The following PTTG1IP variants were observed in gnomAD, a reference collection of about 807,000 sequenced individuals.
PTTG1IP encodes PTTG1 interacting protein.
In PTTG1IP, 16 loss-of-function variants were observed where a neutral mutation model predicts 24.4. The ratio of observed to expected loss-of-function variants is 0.66; its 90% CI spans 0.44 to 1.00. The LOEUF is 1.00. PTTG1IP is among the 50% of genes least tolerant of loss of function. The pLI, the probability that PTTG1IP is intolerant of heterozygous loss-of-function variation, is 0.00. For synonymous variants in PTTG1IP, 89 were observed against 96.8 expected, an observed-to-expected ratio of 0.92 and a Z score of 0.47; for missense variants, 241 against 245.8, an observed-to-expected ratio of 0.98 and a Z score of 0.13.
chr21:44,856,363 C>A lies in PTTG1IP; in HGVS notation c.279G>T (p.Val93=). ...LSSARWGVCW[V]NFEALIITMS... is the part of the protein sequence containing the mutation. ...TGGTGATGATCAGCGCCTCAAAGTT[C>A]ACTGGAGATTCAAGCACCTGGAGTT... The change falls in exon 4 of 6, where the codon GTG becomes GTT. Residue 93 remains valine (V), a splice_region_variant and synonymous_variant. Coordinates refer to ENST00000330938, the MANE Select transcript of PTTG1IP (RefSeq NM_004339.4). The A allele has an allele frequency of 6.2e-7, 1 of 1,609,342 alleles. No individual in the cohort carries two copies. The highest frequency in any genetic ancestry group is 1.1e-5 in the South Asian group (1 of 90,560).
At chr21:44,868,728 C>A (rs1312925535) in intron 1 of PTTG1IP, among the ~76,000 whole-genome samples, 1 of 152,186 alleles carries the variant, frequency 6.6e-6, no homozygotes, top group Non-Finnish European at 1.5e-5. Context: ...TGAGAAGCCT[C>A]CATTTTACAA....
chr21:44,867,392 C>T (rs546963187), intron 1 of PTTG1IP, among the ~76,000 whole-genome samples: 53 of 150,776 alleles, frequency 3.5e-4, no homozygotes, highest in African/African-American at 1.2e-3. Context: ...AGGTGAGACT[C>T]ACGTATGGAG....
rs1323043846 is a variant in PTTG1IP, at chr21:44,851,473, T to G, written c.*108A>C. ...CGCCTGTCCTGGAAGGCTGGCAGGTTCACTGGCCAAGGTCAGGAGACCGCA... is the reference window on the plus strand; with the variant it reads ...CGCCTGTCCTGGAAGGCTGGCAGGTGCACTGGCCAAGGTCAGGAGACCGCA... On this transcript the variant is annotated 3_prime_UTR_variant, in exon 6 of 6. Transcript: ENST00000330938. 1.2e-6 allele frequency: 2 copies of G among 1,612,018 alleles called. No homozygotes were observed. Among genetic ancestry groups the G allele is most frequent in the Non-Finnish European group, 1.7e-6 (2 of 1,179,920 alleles).
intron 3 of PTTG1IP, among the ~76,000 whole-genome samples, chr21:44,857,032 C>G (rs1422293543): frequency 6.6e-6 from 1 of 152,220 alleles, no homozygotes; most frequent in African/African-American, 2.4e-5. Flanking sequence ...CACACGTGCA[C>G]ATTTAAAACA....
At chr21:44,869,936 T>A (rs371501651) in intron 1 of PTTG1IP, among the ~76,000 whole-genome samples, 1 of 152,186 alleles carries the variant, frequency 6.6e-6, no homozygotes, top group African/African-American at 2.4e-5. Context: ...CTAGGTCTTG[T>A]GTGAACTAAA....
chr21:44,860,336 T>C (rs1357701445), intron 3 of PTTG1IP, among the ~76,000 whole-genome samples: 2 of 152,078 alleles, frequency 1.3e-5, no homozygotes, highest in Non-Finnish European at 1.5e-5. Context: ...GCCATTGCAC[T>C]CCAGCCCGTC....
At chr21:44,866,915 G>A (rs1216619657) in intron 1 of PTTG1IP, among the ~76,000 whole-genome samples, 1 of 152,194 alleles carries the variant, frequency 6.6e-6, no homozygotes, top group Non-Finnish European at 1.5e-5. Context: ...TTGCAAAGAA[G>A]GTCTGGCAGC....
In PTTG1IP at chr21:44,871,392, TG is replaced by T. The variant is rs1052907942; in HGVS notation, c.115+2109del. On this transcript the variant is annotated intron_variant, in intron 1 of 5. Transcript: ENST00000330938. ...TTTTTGGGGTCGTCTTTCCTCCAGA[TG>T]AAGCTCTTGGATTGAGTCTGACCCC... is the stretch of plus-strand genomic sequence containing the variant. Among the ~76,000 whole-genome samples, 9 of 152,268 alleles carry T rather than the reference TG, an allele frequency of 5.9e-5. No individual in the cohort carries two copies. In the South Asian group the frequency reaches 8.3e-4, roughly 14 times the overall value.
intron 3 of PTTG1IP, among the ~76,000 whole-genome samples, chr21:44,857,568 T>C (rs1349359024): frequency 1.3e-5 from 2 of 152,204 alleles, no homozygotes; most frequent in Non-Finnish European, 2.9e-5. Flanking sequence ...TACCGCATGA[T>C]TCACTGTTTT....
At chr21:44,871,617 C>T (rs578157682) in intron 1 of PTTG1IP, among the ~76,000 whole-genome samples, 11 of 152,266 alleles carry the variant, frequency 7.2e-5, no homozygotes, top group African/African-American at 2.4e-4. Context: ...GGAGACAAAA[C>T]GTTTTAAACA....
At chr21:44,858,634 A>G (rs1261093664) in intron 3 of PTTG1IP, among the ~76,000 whole-genome samples, 1 of 151,948 alleles carries the variant, frequency 6.6e-6, no homozygotes, top group Non-Finnish European at 1.5e-5. Flanking sequence ...CCCCCTCCCC[A>G]CTGTGACTGT....
At chr21:44,860,960 C>G (rs112534355) in intron 3 of PTTG1IP, among the ~76,000 whole-genome samples, 1 of 152,078 alleles carries the variant, frequency 6.6e-6, no homozygotes, top group African/African-American at 2.4e-5. Context: ...CATGCCACCA[C>G]GCCCACCTAA....
intron 4 of PTTG1IP, among the ~76,000 whole-genome samples, chr21:44,855,966 G>A (rs2083446623): frequency 6.6e-6 from 1 of 152,216 alleles, no homozygotes; most frequent in African/African-American, 2.4e-5. Context: ...ACCGATGGGA[G>A]GACACCGGGC....
chr21:44,870,341 G>A (rs905261365), intron 1 of PTTG1IP, among the ~76,000 whole-genome samples: 2 of 152,064 alleles, frequency 1.3e-5, no homozygotes, highest in African/African-American at 2.4e-5. Flanking sequence ...AGGAGTTCGA[G>A]ACCGGCCTGG....
chr21:44,857,061 A>C lies in PTTG1IP; in HGVS notation c.278-697T>G, dbSNP rs1170214630. Among the ~76,000 whole-genome samples, 3 of 152,202 alleles carry C rather than the reference A, an allele frequency of 2.0e-5. No homozygotes were observed. In the East Asian group the frequency reaches 5.8e-4, roughly 29 times the overall value. On this transcript the variant is annotated intron_variant, in intron 3 of 5. Coordinates refer to ENST00000330938, the MANE Select transcript of PTTG1IP (RefSeq NM_004339.4). The stretch of plus-strand genomic sequence containing the variant: ...TAAAACAGATCTTACTATCCTTTTA[A>C]ACTTCTTTTGAAGATCTATACATTG...
chr21:44,858,870 C>T (rs1010985746), intron 3 of PTTG1IP, among the ~76,000 whole-genome samples: 6 of 152,170 alleles, frequency 3.9e-5, no homozygotes, highest in Non-Finnish European at 7.3e-5. Context: ...GACTGGTTAC[C>T]CTAAACATTG....
intron 2 of PTTG1IP, among the ~76,000 whole-genome samples, chr21:44,864,459 C>A (rs1601253828): frequency 6.6e-6 from 1 of 152,364 alleles, no homozygotes; most frequent in South Asian, 2.1e-4. Flanking sequence ...TGCAGTGGCA[C>A]AATCTTGGCT....
At chr21:44,858,472 GCA>G (rs763676937) in intron 3 of PTTG1IP, among the ~76,000 whole-genome samples, 2 of 152,200 alleles carry the variant, frequency 1.3e-5, no homozygotes, top group Admixed American at 6.5e-5. Flanking sequence ...GCAGGGCCAG[GCA>G]CACTTTCTGT....
intron 1 of PTTG1IP, among the ~76,000 whole-genome samples, chr21:44,871,858 G>A (rs1442193472): frequency 6.6e-6 from 1 of 152,188 alleles, no homozygotes; most frequent in Non-Finnish European, 1.5e-5. Flanking sequence ...CACCCACCAG[G>A]ACTTGGTGAT....
Sources: allele counts gnomAD v4.1 joint callset (sites outside exome capture counted in the v4.1 genomes callset), GRCh38; gene constraint gnomAD v4.1.1; transcripts MANE v1.5; gene names NCBI Gene and HGNC (gene_info 2026-07-23, HGNC 2026-07-21).